KLRG1: variants seen among roughly 807,000 people sequenced by gnomAD.
KLRG1 encodes killer cell lectin like receptor G1, also known as killer cell lectin-like receptor subfamily G member 1.
KLRG1 carries 16 observed loss-of-function variants against 21.8 expected under a neutral mutation model. That is an observed-to-expected ratio of 0.73 (90% CI 0.50 to 1.11). KLRG1 has a LOEUF of 1.11. Among genes scored for constraint, KLRG1 ranks in the 50% most tolerant of loss-of-function variants. KLRG1 has a pLI of 0.00. For synonymous variants in KLRG1, 69 were observed against 75.9 expected (o/e 0.91, Z 0.47); for missense variants, 173 against 218.3 (o/e 0.79, Z 1.31).
chr12:9,088,526 AATAG>A, the KLRG1 span, among the ~76,000 whole-genome samples: 1 of 152,162 alleles, frequency 6.6e-6, no homozygotes, highest in Non-Finnish European at 1.5e-5. Context: ...GCAACAGATG[AATAG>A]ATAAAGTATT....
the KLRG1 span, among the ~76,000 whole-genome samples, chr12:9,210,924 C>G: frequency 6.6e-6 from 1 of 152,076 alleles, no homozygotes; most frequent in Non-Finnish European, 1.5e-5. Flanking sequence ...CTCTATTGTC[C>G]TGCCATGAGG....
At chr12:8,961,828 G>A (rs1946386899) in intron 1 of KLRG1, among the ~76,000 whole-genome samples, 1 of 152,194 alleles carries the variant, frequency 6.6e-6, no homozygotes, top group Non-Finnish European at 1.5e-5. Flanking sequence ...GCTGTCGTCT[G>A]TAATCCCAGC....
the KLRG1 span, among the ~76,000 whole-genome samples, chr12:9,145,574 GACTT>G: frequency 6.6e-6 from 1 of 152,154 alleles, no homozygotes; most frequent in South Asian, 2.1e-4. Context: ...AAGTAAAAGT[GACTT>G]ACTAGCATTA....
chr12:9,214,054 A>G, the KLRG1 span, among the ~76,000 whole-genome samples: 1 of 151,796 alleles, frequency 6.6e-6, no homozygotes, highest in Non-Finnish European at 1.5e-5. Context: ...GCATATGGGT[A>G]TTTGTTTTTT....
Position 8,977,387 on chromosome 12 carries a change from T to A in KLRG1, c.-155-14819T>A, listed in dbSNP as rs1484967481. ...CCTGGCTAATTTTTTTTTTTTTTTT[T>A]TTATTTGTAGTAGAGACAGGGTTTC... On this transcript the variant is annotated intron_variant, in intron 1 of 4. Transcript: ENST00000539240. Among the ~76,000 whole-genome samples, 37 of 149,262 alleles carry A rather than the reference T, an allele frequency of 2.5e-4. 1 individual carries two copies. Among genetic ancestry groups the A allele is most frequent in the Non-Finnish European group, 4.8e-4 (32 of 67,038 alleles).
the KLRG1 span, among the ~76,000 whole-genome samples, chr12:9,122,483 A>T: frequency 6.6e-6 from 1 of 152,216 alleles, no homozygotes; most frequent in Non-Finnish European, 1.5e-5. Context: ...TTACTTAATT[A>T]CTCAGATGAT....
chr12:9,160,529 G>A, the KLRG1 span: 1 of 1,579,318 alleles, frequency 6.3e-7, no homozygotes, highest in Non-Finnish European at 8.6e-7. Flanking sequence ...AATAATTTCA[G>A]TTCATAAATA....
chr12:9,200,520 T>G, the KLRG1 span: 1 of 1,223,452 alleles, frequency 8.2e-7, no homozygotes, highest in Admixed American at 2.0e-5. Flanking sequence ...TTTCAGTATG[T>G]CTATAATTTT....
chr12:9,157,854 C>A, the KLRG1 span: 1 of 1,606,124 alleles, frequency 6.2e-7, no homozygotes, highest in South Asian at 1.1e-5. Flanking sequence ...GTGAATACAA[C>A]ATTGATTTGA....
the KLRG1 span, among the ~76,000 whole-genome samples, chr12:9,194,462 GTT>G: frequency 4.5e-3 from 410 of 90,802 alleles, 2 homozygotes; most frequent in African/African-American, 8.4e-3. Flanking sequence ...AAGTCAGGGA[GTT>G]TTTTTTTTTT....
chr12:8,951,963 C>T (rs1946212862), intron 1 of KLRG1, among the ~76,000 whole-genome samples: 4 of 152,196 alleles, frequency 2.6e-5, no homozygotes, highest in Admixed American at 2.6e-4. Flanking sequence ...TGGGTCACTT[C>T]CTTGCTTCTC....
chr12:9,005,185 C>A (rs1312339341), intron 3 of KLRG1, among the ~76,000 whole-genome samples: 3 of 151,264 alleles, frequency 2.0e-5, no homozygotes, highest in Non-Finnish European at 4.4e-5. Context: ...AGGGGAACAT[C>A]ACACACCGGG....
At chr12:9,201,435 A>G in the KLRG1 span, 1 of 1,015,368 alleles carries the variant, frequency 9.8e-7, no homozygotes, top group Admixed American at 2.2e-5. Context: ...AAACTGAGGA[A>G]GAATATTATC....
chr12:9,003,141 G>A (rs1282566919), intron 3 of KLRG1, among the ~76,000 whole-genome samples: 1 of 152,098 alleles, frequency 6.6e-6, no homozygotes, highest in Non-Finnish European at 1.5e-5. Context: ...ATGAGCACAG[G>A]ATTGGGGTTT....
the KLRG1 span, chr12:9,196,631 T>C: frequency 6.2e-7 from 1 of 1,613,976 alleles, no homozygotes; most frequent in South Asian, 1.1e-5. Context: ...CCCGTATTTG[T>C]AATCTGGAGC....
chr12:9,210,044 C>G, the KLRG1 span, among the ~76,000 whole-genome samples: 14 of 152,158 alleles, frequency 9.2e-5, no homozygotes, highest in South Asian at 2.9e-3. Flanking sequence ...TCTACTTAAG[C>G]ATATTTGCAA....
At chr12:9,149,782 G>T in the KLRG1 span, among the ~76,000 whole-genome samples, 1 of 152,176 alleles carries the variant, frequency 6.6e-6, no homozygotes, top group Non-Finnish European at 1.5e-5. Context: ...CTTTCCCTGA[G>T]ACTGGAGATG....
At chr12:9,000,024 T>TC (rs750313810) in intron 3 of KLRG1, among the ~76,000 whole-genome samples, 132 of 152,160 alleles carry the variant, frequency 8.7e-4, no homozygotes, top group Non-Finnish European at 1.7e-3. Context: ...GACAGAGTGA[T>TC]ACTCTGTCTC....
At chr12:8,956,017 C>T (rs1040327390) in intron 1 of KLRG1, among the ~76,000 whole-genome samples, 3 of 152,222 alleles carry the variant, frequency 2.0e-5, no homozygotes, top group Non-Finnish European at 4.4e-5. Context: ...CTCAGCTACA[C>T]AGTGGGACTA....
Sources: gnomAD v4.1 joint callset for allele counts (sites outside exome capture counted in the v4.1 genomes callset) on GRCh38, gnomAD v4.1.1 for gene constraint, MANE v1.5 for transcripts, NCBI Gene and HGNC (gene_info 2026-07-23, HGNC 2026-07-21) for gene names.